Variants in ABCA13 observed in about 807,000 individuals in gnomAD.
The protein encoded by ABCA13 is ATP binding cassette subfamily A member 13.
In ABCA13, 476 loss-of-function variants were observed where a neutral mutation model predicts 478.7. The ratio of observed to expected loss-of-function variants is 0.99; its 90% CI spans 0.92 to 1.07. The LOEUF (loss-of-function observed/expected upper bound fraction) is 1.07, where lower values mean the gene tolerates loss of function less well. ABCA13 is among the 50% of genes least tolerant of loss of function. ABCA13 has a pLI of 0.00. For synonymous variants in ABCA13, 2,252 were observed against 2,158.9 expected (o/e 1.04, Z -1.20); for missense variants, 6,060 against 5,910.6 (o/e 1.03, Z -0.83).
At chr7:48,325,833 C>T (rs1347659288) in intron 27 of ABCA13, among the ~76,000 whole-genome samples, 2 of 152,210 alleles carry the variant, frequency 1.3e-5, no homozygotes, top group African/African-American at 4.8e-5. Context: ...CAAGTGACTT[C>T]CCCATCCAGG....
At chr7:48,246,249 A>G (rs1356733979) in intron 13 of ABCA13, among the ~76,000 whole-genome samples, 1 of 152,122 alleles carries the variant, frequency 6.6e-6, no homozygotes, top group Non-Finnish European at 1.5e-5. Context: ...AACCTACTTG[A>G]AATTCCTCAA....
intron 6 of ABCA13, 54 bp downstream of exon 6, chr7:48,227,479 A>G: frequency 1.9e-6 from 3 of 1,549,850 alleles, no homozygotes; most frequent in Non-Finnish European, 2.6e-6. Flanking sequence ...TTTTTACCTT[A>G]TTTTTAAAAT....
chr7:48,348,180 C>T, intron 29 of ABCA13, among the ~76,000 whole-genome samples: 1 of 152,180 alleles, frequency 6.6e-6, no homozygotes, highest in East Asian at 1.9e-4. Context: ...CTAATCCTTC[C>T]ACGTCAGTGC....
intron 8 of ABCA13, 151 bp downstream of exon 8, chr7:48,234,302 C>A (rs1789621569): frequency 2.1e-6 from 2 of 940,096 alleles, no homozygotes; most frequent in Admixed American, 1.8e-5. Flanking sequence ...GCAGAAGAGA[C>A]CCCTACTGTC....
intron 55 of ABCA13, among the ~76,000 whole-genome samples, chr7:48,573,356 T>C (rs1787865856): frequency 6.6e-6 from 1 of 152,118 alleles, no homozygotes; most frequent in Admixed American, 6.6e-5. Context: ...TTATTTATTT[T>C]TTTAAGTGGT....
At chr7:48,251,450 G>T (rs1190868741) in intron 15 of ABCA13, among the ~76,000 whole-genome samples, 1 of 152,136 alleles carries the variant, frequency 6.6e-6, no homozygotes, top group Admixed American at 6.5e-5. Flanking sequence ...GGCTCAGAAA[G>T]ATTTTATTCC....
At chr7:48,412,218 T>C in intron 40 of ABCA13, 135 bp from the exon 41 acceptor site, 1 of 672,526 alleles carries the variant, frequency 1.5e-6, no homozygotes, top group Non-Finnish European at 2.5e-6. Context: ...TGCCTATTGC[T>C]TAAGTGTGAT....
intron 42 of ABCA13, among the ~76,000 whole-genome samples, chr7:48,442,776 A>T (rs1457139352): frequency 1.3e-5 from 2 of 152,166 alleles, no homozygotes; most frequent in Non-Finnish European, 2.9e-5. Flanking sequence ...TTCTCAGGAG[A>T]CGCTGCTAGT....
Position 48,244,553 on chromosome 7 carries a change from CATTT to C in ABCA13, c.1263-14_1263-11del, listed in dbSNP as rs749060962. On this transcript the variant is annotated intron_variant, in intron 10 of 61. Coordinates refer to ENST00000435803, the MANE Select transcript of ABCA13 (RefSeq NM_152701.5). ...CTTCGAACTACTTTTCATTTTATTT[CATTT>C]ATTTATTTTTGCCCTCAGATTACAG... The C allele has an allele frequency of 1.5e-5, 24 of 1,602,542 alleles. No homozygotes were observed. Among genetic ancestry groups the C allele is most frequent in the Non-Finnish European group, 1.9e-5 (22 of 1,175,908 alleles).
chr7:48,285,390 C>G (rs533004727), intron 19 of ABCA13, among the ~76,000 whole-genome samples: 1 of 152,100 alleles, frequency 6.6e-6, no homozygotes, highest in East Asian at 1.9e-4. Context: ...AGAGGGTACC[C>G]GGGAAAGTTG....
chr7:48,644,067 A>G (rs987777108), intron 60 of ABCA13, among the ~76,000 whole-genome samples: 1 of 152,186 alleles, frequency 6.6e-6, no homozygotes, highest in Admixed American at 6.5e-5. Context: ...TATTTCAACA[A>G]CTGTCATTTA....
intron 48 of ABCA13, among the ~76,000 whole-genome samples, chr7:48,500,019 T>C (rs1830607869): frequency 6.6e-6 from 1 of 152,198 alleles, no homozygotes; most frequent in Non-Finnish European, 1.5e-5. Flanking sequence ...CAGACTGGTA[T>C]CCAGAAAATC....
intron 39 of ABCA13, among the ~76,000 whole-genome samples, chr7:48,409,810 G>A (rs1818741897): frequency 6.6e-6 from 1 of 151,892 alleles, no homozygotes; most frequent in South Asian, 2.1e-4. Flanking sequence ...CAGGCATGGA[G>A]GGTTCACACT....
chr7:48,644,793 T>C (rs1206822168), intron 61 of ABCA13, 39 bp downstream of exon 61: 2 of 1,535,002 alleles, frequency 1.3e-6, no homozygotes, highest in Non-Finnish European at 1.7e-6. Context: ...TGAATTTTGG[T>C]CTGTTCATCA....
At chr7:48,233,873 CT>C (rs1054811417) in intron 7 of ABCA13, 144 bp from the exon 8 acceptor site, 3 of 865,078 alleles carry the variant, frequency 3.5e-6, no homozygotes, top group African/African-American at 3.4e-5. Context: ...ATTCTGTTTG[CT>C]TTTTCTATCT....
intron 1 of ABCA13, among the ~76,000 whole-genome samples, chr7:48,187,514 C>A (rs1422581008): frequency 6.6e-6 from 1 of 151,708 alleles, no homozygotes; most frequent in Non-Finnish European, 1.5e-5. Flanking sequence ...TTTGGGGGTG[C>A]CAATTTTCCT....
intron 1 of ABCA13, among the ~76,000 whole-genome samples, chr7:48,174,758 G>A (rs926463478): frequency 1.3e-5 from 2 of 152,014 alleles, no homozygotes; most frequent in Non-Finnish European, 2.9e-5. Context: ...ATATTTTTAC[G>A]TAATTAAAGT....
At chr7:48,297,974 C>T (rs1799636579) in intron 22 of ABCA13, among the ~76,000 whole-genome samples, 1 of 145,564 alleles carries the variant, frequency 6.9e-6, no homozygotes, top group African/African-American at 2.6e-5. Context: ...TTAGTAGAGA[C>T]AGGGTTTCAC....
rs1451562718 is a variant in ABCA13 at position 48,362,109 on chromosome 7, C to G, written c.10689-5685C>G. On this transcript the variant is annotated intron_variant, in intron 31 of 61. Transcript: ENST00000435803. The stretch of plus-strand genomic sequence containing the variant: ...ACACTTGAAAAGAATTTCTAATTCC[C>G]TATTTTAGGGCAGAGAATTTGGTCT... 2.0e-5 allele frequency among the ~76,000 whole-genome samples: 3 copies of G among 151,920 alleles called. 1 individual carries two copies. In the South Asian group the frequency reaches 6.2e-4, roughly 32 times the overall value.
Sources: allele counts gnomAD v4.1 joint callset (sites outside exome capture counted in the v4.1 genomes callset), GRCh38; gene constraint gnomAD v4.1.1; transcripts MANE v1.5; gene names NCBI Gene and HGNC (gene_info 2026-07-23, HGNC 2026-07-21).